Variants in MAP4K5 observed in about 807,000 individuals in gnomAD.
MAP4K5 encodes the protein MAPK/ERK kinase kinase kinase 5.
A neutral mutation model predicts 135.6 loss-of-function variants in MAP4K5; 82 were observed. That is an observed-to-expected ratio of 0.60 (90% CI 0.51 to 0.73). MAP4K5 has a LOEUF of 0.73. MAP4K5 is among the 30% of genes least tolerant of loss of function. MAP4K5 has a pLI of 0.00. For missense variants in MAP4K5, 907 were observed against 1,010.9 expected (o/e 0.90, Z 1.39); for synonymous variants, 347 against 335.0 (o/e 1.04, Z -0.39).
At chr14:50,437,809 T>G (rs907381840) in intron 25 of MAP4K5, 85 bp downstream of exon 25, 2 of 922,346 alleles carry the variant, frequency 2.2e-6, no homozygotes, top group East Asian at 2.4e-5. Context: ...TAAGACATAG[T>G]TTTTTACTGG....
At chr14:50,458,346 A>G (rs2036635845) in intron 13 of MAP4K5, among the ~76,000 whole-genome samples, 1 of 152,002 alleles carries the variant, frequency 6.6e-6, no homozygotes. Context: ...AGCATTTAAT[A>G]CTGTTCAAGC....
In MAP4K5 at chr14:50,442,686, T is replaced by A. The variant is rs749480371; in HGVS notation, c.1564+46A>T. Reference sequence around the variant, plus strand: ...TCACTGATCATAAAGATCTTTCCCATAATAAATATTTTATTGGAGATGTAT... The same window carrying A: ...TCACTGATCATAAAGATCTTTCCCAAAATAAATATTTTATTGGAGATGTAT... On this transcript the variant is annotated intron_variant, in intron 21 of 32. Coordinates refer to ENST00000682126, the MANE Select transcript of MAP4K5 (RefSeq NM_006575.6). 5 of 1,233,784 alleles carry A rather than the reference T, an allele frequency of 4.1e-6. No homozygotes were observed. The South Asian group carries it at 5.3e-5, about 13-fold the overall frequency. The allele number at this position is 1,233,784 out of a possible 1,614,324, so 76.4% of individuals were successfully genotyped here. A position where few individuals can be genotyped will look rare whatever the true frequency, so the allele number is the denominator to read the frequency against.
chr14:50,519,592 T>G (rs2038105618), intron 2 of MAP4K5, among the ~76,000 whole-genome samples: 1 of 152,126 alleles, frequency 6.6e-6, no homozygotes, highest in South Asian at 2.1e-4. Flanking sequence ...AGGCGGAGGT[T>G]GTAATGAGTC....
intron 6 of MAP4K5, among the ~76,000 whole-genome samples, chr14:50,479,303 A>T (rs540259571): frequency 7.9e-5 from 12 of 151,882 alleles, no homozygotes; most frequent in Admixed American, 2.6e-4. Flanking sequence ...CTTCACTTAT[A>T]AAAAATTACT....
At chr14:50,517,703 AGGTTGCAGT>A (rs1214117917) in intron 2 of MAP4K5, among the ~76,000 whole-genome samples, 1 of 152,008 alleles carries the variant, frequency 6.6e-6, no homozygotes, top group African/African-American at 2.4e-5. Context: ...CGGGAGGCGG[AGGTTGCAGT>A]GGTTGCAGTA....
At chr14:50,506,775 C>A (rs1406505538) in intron 2 of MAP4K5, among the ~76,000 whole-genome samples, 1 of 152,164 alleles carries the variant, frequency 6.6e-6, no homozygotes, top group Non-Finnish European at 1.5e-5. Context: ...CCTTTTAACT[C>A]CTCTCTTTCA....
chr14:50,472,438 C>A (rs960981313), intron 9 of MAP4K5: 4 of 152,050 alleles, frequency 2.6e-5, no homozygotes, highest in African/African-American at 9.7e-5. Flanking sequence ...GTTGTAAAGT[C>A]TTTGTATGTT....
At chr14:50,529,933 G>A (rs1265826013) in intron 2 of MAP4K5, among the ~76,000 whole-genome samples, 4 of 152,184 alleles carry the variant, frequency 2.6e-5, no homozygotes, top group African/African-American at 9.7e-5. Flanking sequence ...TTGCCCAGGA[G>A]CATTTGGGTA....
rs756396816 is a variant in MAP4K5, at chr14:50,475,461, AAC to A, written c.470-314_470-313del. ...CACAAAAAATAAAACACATGGGAGA[AAC>A]ACACACCTGTATTCCTTTTATCCTA... On this transcript the variant is annotated intron_variant, in intron 8 of 32. Coordinates refer to ENST00000682126, the MANE Select transcript of MAP4K5 (RefSeq NM_006575.6). 3.9e-5 allele frequency among the ~76,000 whole-genome samples: 6 copies of A among 152,310 alleles called. No individual in the cohort carries two copies. In the East Asian group the frequency reaches 5.8e-4, roughly 15 times the overall value.
chr14:50,482,251 G>C, intron 6 of MAP4K5, 110 bp downstream of exon 6: 1 of 587,358 alleles, frequency 1.7e-6, no homozygotes, highest in South Asian at 2.6e-5. Flanking sequence ...TTCTCTTTAA[G>C]GTAGACTATC....
At chr14:50,511,536 T>C (rs1056814191) in intron 2 of MAP4K5, among the ~76,000 whole-genome samples, 5 of 152,264 alleles carry the variant, frequency 3.3e-5, no homozygotes, top group African/African-American at 7.2e-5. Flanking sequence ...ATATATTACA[T>C]AGTTTCAAAT....
At chr14:50,506,353 G>A (rs1048028626) in intron 2 of MAP4K5, among the ~76,000 whole-genome samples, 2 of 147,912 alleles carry the variant, frequency 1.4e-5, no homozygotes, top group African/African-American at 4.9e-5. Flanking sequence ...TTTGTCTTTT[G>A]TTTGTTTGGT....
At chr14:50,523,908 C>A (rs1156462761) in intron 2 of MAP4K5, among the ~76,000 whole-genome samples, 1 of 152,170 alleles carries the variant, frequency 6.6e-6, no homozygotes, top group Non-Finnish European at 1.5e-5. Context: ...CATTAACATG[C>A]CTCACTCTAA....
intron 21 of MAP4K5, 132 bp downstream of exon 21, chr14:50,442,600 G>T (rs2036253530): frequency 1.6e-6 from 1 of 636,636 alleles, no homozygotes; most frequent in Non-Finnish European, 2.7e-6. Context: ...TATTTAGGTT[G>T]TTGCAGGTTC....
intron 2 of MAP4K5, among the ~76,000 whole-genome samples, chr14:50,510,160 G>C (rs757927225): frequency 6.6e-5 from 10 of 152,124 alleles, no homozygotes; most frequent in Non-Finnish European, 1.3e-4. Flanking sequence ...AAAAGAAAAT[G>C]ACTCCATTCT....
intron 6 of MAP4K5, among the ~76,000 whole-genome samples, chr14:50,479,286 T>C (rs561752558): frequency 1.3e-5 from 2 of 152,136 alleles, no homozygotes; most frequent in African/African-American, 4.8e-5. Context: ...TACAGCTTAA[T>C]GATACTCTTC....
Position 50,443,936 on chromosome 14 carries a change from T to C in MAP4K5, c.1437+3A>G. 6.3e-7 allele frequency: 1 copy of C among 1,597,104 alleles called. No homozygotes were observed. Among genetic ancestry groups the C allele is most frequent in the Non-Finnish European group, 8.6e-7 (1 of 1,168,596 alleles). ...CTAATTGCTAAATGCCTGTTATACCTACAGGGAAGTCTCGTTTGTCCTTTT... is the reference window on the plus strand; with the variant it reads ...CTAATTGCTAAATGCCTGTTATACCCACAGGGAAGTCTCGTTTGTCCTTTT... On this transcript the variant is annotated splice_donor_region_variant and intron_variant, in intron 19 of 32. Transcript: ENST00000682126.
intron 1 of MAP4K5, among the ~76,000 whole-genome samples, chr14:50,550,163 T>C (rs2038683874): frequency 1.3e-5 from 2 of 151,836 alleles, no homozygotes; most frequent in African/African-American, 2.4e-5. Context: ...CCTGCTGGAG[T>C]GGTCATAGTG....
At chr14:50,505,510 G>A (rs2037791556) in intron 2 of MAP4K5, among the ~76,000 whole-genome samples, 1 of 152,068 alleles carries the variant, frequency 6.6e-6, no homozygotes, top group Non-Finnish European at 1.5e-5. Flanking sequence ...TCAGTTAAAT[G>A]TCTAGAAGAG....
Sources: gnomAD v4.1 joint callset for allele counts (sites outside exome capture counted in the v4.1 genomes callset) on GRCh38, gnomAD v4.1.1 for gene constraint, MANE v1.5 for transcripts, NCBI Gene and HGNC (gene_info 2026-07-23, HGNC 2026-07-21) for gene names.